The following CARM1 variants were observed in gnomAD, a reference collection of about 807,000 sequenced individuals.
The protein encoded by CARM1 is histone-arginine methyltransferase CARM1.
A neutral mutation model predicts 72.7 loss-of-function variants in CARM1; 14 were observed. The ratio of observed to expected loss-of-function variants is 0.19; its 90% confidence interval spans 0.13 to 0.30. The LOEUF is 0.30. Ranked by LOEUF, CARM1 falls within the 10% of genes least tolerant of loss-of-function variation. CARM1 has a pLI of 1.00. For synonymous variants in CARM1, 333 were observed against 345.5 expected, an observed-to-expected ratio of 0.96 and a Z score of 0.40; for missense variants, 432 against 833.7, an observed-to-expected ratio of 0.52 and a Z score of 5.93.
rs578242003 is a variant in CARM1 at position 10,873,860 on chromosome 19, T to G, written c.220+1938T>G. On this transcript the variant is annotated intron_variant, in intron 1 of 15. Coordinates refer to ENST00000327064, the MANE Select transcript of CARM1 (RefSeq NM_199141.2). Reference sequence around the variant, plus strand: ...TTCACCATGTTAGCCAGGATGGTCTTGATCTCCTGACCTCGTGATCCACCC... The same window carrying G: ...TTCACCATGTTAGCCAGGATGGTCTGGATCTCCTGACCTCGTGATCCACCC... Among the ~76,000 whole-genome samples, 54 of 151,788 alleles carry G rather than the reference T, an allele frequency of 3.6e-4. No individual in the cohort carries two copies. The East Asian group carries it at 0.011, about 30-fold the overall frequency.
At chr19:10,902,742 G>A (rs2074075633) in intron 1 of CARM1, among the ~76,000 whole-genome samples, 1 of 151,368 alleles carries the variant, frequency 6.6e-6, no homozygotes, top group Non-Finnish European at 1.5e-5. Flanking sequence ...CCAAGTAATT[G>A]GGACTACAGG....
rs568827009 is a variant in CARM1 at position 10,886,217 on chromosome 19, C to T, written c.220+14295C>T. On this transcript the variant is annotated intron_variant, in intron 1 of 15. Coordinates refer to ENST00000327064, the MANE Select transcript of CARM1 (RefSeq NM_199141.2). ...GATTACGGGCATGCGCCACCACGCC[C>T]GGCTAATTGTGTATTTTTAGTAGAG... is the stretch of plus-strand genomic sequence containing the variant. 2.1e-3 allele frequency among the ~76,000 whole-genome samples: 317 copies of T among 152,084 alleles called. 1 individual carries two copies. The highest frequency in any genetic ancestry group is 3.7e-3 in the Non-Finnish European group (254 of 67,954).
At chr19:10,899,359 G>C (rs1286686914) in intron 1 of CARM1, among the ~76,000 whole-genome samples, 1 of 152,238 alleles carries the variant, frequency 6.6e-6, no homozygotes, top group African/African-American at 2.4e-5. Context: ...CCCACTTGCT[G>C]TCGCCCAGGT....
chr19:10,916,684 G>A lies in CARM1; in HGVS notation c.939-12G>A, dbSNP rs1257161729. On this transcript the variant is annotated splice_polypyrimidine_tract_variant and intron_variant, in intron 7 of 15. Transcript: ENST00000327064. The surrounding 1 kb of genome is among the most constrained non-coding windows in gnomAD (Gnocchi z 4.4). ...GCCCTGACCTTGCTGTGGGGGTGGG[G>A]CCTGTCCACAGGTACCAGCCATCTT... 5 of 1,568,542 alleles carry A rather than the reference G, an allele frequency of 3.2e-6. No individual in the cohort carries two copies. The African/African-American group carries it at 5.4e-5, about 17-fold the overall frequency.
chr19:10,921,588 C>A, intron 15 of CARM1, 27 bp from the exon 16 acceptor site: 1 of 1,596,514 alleles, frequency 6.3e-7, no homozygotes, highest in Middle Eastern at 1.7e-4. Flanking sequence ...CCAGGGCAGC[C>A]CCTCACTGCC....
intron 1 of CARM1, among the ~76,000 whole-genome samples, chr19:10,874,334 T>C (rs2073845898): frequency 6.6e-6 from 1 of 152,152 alleles, no homozygotes; most frequent in African/African-American, 2.4e-5. Flanking sequence ...CTTAGGGTTC[T>C]GAAATAATTT....
At chr19:10,908,429 C>A in intron 3 of CARM1, 2 of 379,124 alleles carry the variant, frequency 5.3e-6, no homozygotes, top group Non-Finnish European at 9.9e-6. Context: ...AGAGCAGTTA[C>A]AATGCCCTGA....
intron 1 of CARM1, among the ~76,000 whole-genome samples, chr19:10,898,431 C>T (rs2074039493): frequency 6.6e-6 from 1 of 152,248 alleles, no homozygotes; most frequent in Non-Finnish European, 1.5e-5. Flanking sequence ...TCCCCCACCT[C>T]TCCAGGCCAT....
chr19:10,879,968 C>T (rs1456794800), intron 1 of CARM1, among the ~76,000 whole-genome samples: 1 of 152,154 alleles, frequency 6.6e-6, no homozygotes, highest in Non-Finnish European at 1.5e-5. Flanking sequence ...TCCTGGTCAC[C>T]AAGCACTGGC....
intron 1 of CARM1, among the ~76,000 whole-genome samples, chr19:10,890,857 C>T (rs1389904996): frequency 7.7e-6 from 1 of 130,086 alleles, no homozygotes; most frequent in African/African-American, 3.0e-5. Context: ...GTCCCAGCTC[C>T]TTAGGAGGCG....
rs2074203166 is a variant in CARM1 at position 10,917,039 on chromosome 19, A to G, written c.1020+262A>G. Among the ~76,000 whole-genome samples, 3 of 152,206 alleles carry G rather than the reference A, an allele frequency of 2.0e-5. No individual in the cohort carries two copies. In the South Asian group the frequency reaches 6.2e-4, roughly 32 times the overall value. On this transcript the variant is annotated intron_variant, in intron 8 of 15. Transcript: ENST00000327064. Reference sequence around the variant, plus strand: ...AGTTCAAGATCAGCCTGGGCAACACAGAGACGCCATCGCTATTTTTAAAAT... The same window carrying G: ...AGTTCAAGATCAGCCTGGGCAACACGGAGACGCCATCGCTATTTTTAAAAT...
At chr19:10,906,516 G>A (rs948516401) in intron 2 of CARM1, among the ~76,000 whole-genome samples, 7 of 152,078 alleles carry the variant, frequency 4.6e-5, no homozygotes, top group African/African-American at 1.7e-4. Flanking sequence ...GTGCTGGAGT[G>A]CAGTGGCGCG....
intron 9 of CARM1, 41 bp downstream of exon 9, chr19:10,919,721 G>A (rs749787055): frequency 1.9e-6 from 3 of 1,580,978 alleles, no homozygotes; most frequent in East Asian, 4.5e-5. Flanking sequence ...CCTGGCTCAG[G>A]CCGAAGGTCA....
At chr19:10,872,940 A>G (rs1178039408) in intron 1 of CARM1, among the ~76,000 whole-genome samples, 1 of 152,130 alleles carries the variant, frequency 6.6e-6, no homozygotes, top group East Asian at 1.9e-4. Context: ...GCCCGATTAA[A>G]GGAAAGCCCG....
At chr19:10,899,353 C>T (rs1224651653) in intron 1 of CARM1, among the ~76,000 whole-genome samples, 4 of 152,226 alleles carry the variant, frequency 2.6e-5, no homozygotes, top group Non-Finnish European at 5.9e-5. Flanking sequence ...CCTGGGCCCA[C>T]TTGCTGTCGC....
In CARM1 at chr19:10,919,572, G is replaced by A. The variant is rs201154100; in HGVS notation, c.1021-23G>A. ...TGCTGGCCCTGGCGTCAGATGCCAC[G>A]TCACACCTGTGGTCTCTCCCAGGAC... On this transcript the variant is annotated intron_variant, in intron 8 of 15. Transcript: ENST00000327064. The A allele has an allele frequency of 8.0e-4, 1,275 of 1,585,022 alleles. 1 individual carries two copies. Among genetic ancestry groups the A allele is most frequent in the Non-Finnish European group, 1.1e-3 (1,224 of 1,154,552 alleles).
At chr19:10,886,059 T>C (rs1303983646) in intron 1 of CARM1, among the ~76,000 whole-genome samples, 1 of 147,342 alleles carries the variant, frequency 6.8e-6, no homozygotes, top group Non-Finnish European at 1.5e-5. Context: ...TTTCTTTCTT[T>C]TTTTTTTTTT....
intron 1 of CARM1, among the ~76,000 whole-genome samples, chr19:10,887,823 C>T (rs1036492129): frequency 6.6e-6 from 1 of 152,284 alleles, no homozygotes; most frequent in South Asian, 2.1e-4. Flanking sequence ...GACCCAACTT[C>T]GATTTCCTCC....
intron 14 of CARM1, 117 bp from the exon 15 acceptor site, chr19:10,921,258 C>A: frequency 5.5e-6 from 8 of 1,442,296 alleles, no homozygotes; most frequent in Non-Finnish European, 7.8e-6. Flanking sequence ...TGGGGGCTCT[C>A]GGCCGAGGCT....
Sources: gnomAD v4.1 joint callset for allele counts (sites outside exome capture counted in the v4.1 genomes callset) on GRCh38, gnomAD v4.1.1 for gene constraint, Gnocchi (gnomAD v3.1) non-coding constraint, MANE v1.5 for transcripts, NCBI Gene and HGNC (gene_info 2026-07-23, HGNC 2026-07-21) for gene names.